JAK2: variants seen among roughly 807,000 people sequenced by gnomAD.
JAK2 encodes the protein tyrosine-protein kinase JAK2.
A neutral mutation model predicts 139.3 loss-of-function variants in JAK2; 86 were observed. That is an observed-to-expected ratio of 0.62 (90% CI 0.52 to 0.74). The LOEUF is 0.74. JAK2 is among the 30% of genes least tolerant of loss of function. The probability of loss-of-function intolerance (pLI) is 0.00; values close to 1 mark genes in which losing one functional copy is unlikely to be tolerated. For synonymous variants in JAK2, 490 were observed against 437.7 expected (o/e 1.12, Z -1.49); for missense variants, 1,421 against 1,360.3 (o/e 1.04, Z -0.70).
intron 2 of JAK2, among the ~76,000 whole-genome samples, chr9:4,995,512 C>T (rs1416987550): frequency 2.6e-5 from 4 of 152,174 alleles, no homozygotes; most frequent in African/African-American, 9.7e-5. Flanking sequence ...GTCAGATAAT[C>T]CTTCTTTTCT....
chr9:5,101,954 G>C (rs1284897782), intron 22 of JAK2, among the ~76,000 whole-genome samples: 8 of 152,206 alleles, frequency 5.3e-5, no homozygotes, highest in Non-Finnish European at 7.3e-5. Context: ...AGAAACCAGA[G>C]CAGAAAAGCT....
At position 5,062,500 on chromosome 9, in the gene JAK2, T is replaced by TAAAAAAAAAAAAAAAAAAAAAAA. The variant is rs58424625; in HGVS notation, c.1057-2374_1057-2352dup. Among the ~76,000 whole-genome samples, 26 of 58,246 alleles carry TAAAAAAAAAAAAAAAAAAAAAAA rather than the reference T, an allele frequency of 4.5e-4. 3 individuals are homozygous for TAAAAAAAAAAAAAAAAAAAAAAA. The highest frequency in any genetic ancestry group is 2.6e-3 in the African/African-American group (25 of 9,596). The allele number at this position is 58,246 out of a possible 152,430, so 38.2% of individuals were successfully genotyped here. A position where few individuals can be genotyped will look rare whatever the true frequency, so the allele number is the denominator to read the frequency against. On this transcript the variant is annotated intron_variant, in intron 8 of 24. Transcript: ENST00000381652. ...AAGTTTGTCAGAAACCTTCCATTTG[T>TAAAAAAAAAAAAAAAAAAAAAAA]AAAAAAAAAAAAAAAAAAAAAAAAA...
intron 8 of JAK2, among the ~76,000 whole-genome samples, chr9:5,058,879 T>A (rs1485933082): frequency 6.6e-6 from 1 of 152,220 alleles, no homozygotes; most frequent in East Asian, 1.9e-4. Flanking sequence ...CATTTTTTAA[T>A]CAGGTTTTTT....
rs774469142 is a variant in JAK2 at position 5,126,729 on chromosome 9, C to T, written c.3337C>T (p.Arg1113Cys). ...TECWNNNVNQ[R>C]PSFRDLALRV... ...ATGCTGGAACAATAATGTAAATCAA[C>T]GCCCCTCCTTTAGGGATCTAGCTCT... Residue 1113 changes from arginine to cysteine, a missense_variant, in exon 25 of 25, where the codon CGC (arginine) becomes TGC (cysteine). Transcript: ENST00000381652. 21 of 1,610,864 alleles carry T rather than the reference C, an allele frequency of 1.3e-5. No individual in the cohort carries two copies. The highest frequency in any genetic ancestry group is 4.2e-6 in the Non-Finnish European group (5 of 1,177,684).
At chr9:5,114,623 G>A (rs973586948) in intron 22 of JAK2, 13 of 484,426 alleles carry the variant, frequency 2.7e-5, no homozygotes, top group South Asian at 6.2e-5. Context: ...TGCAGCTCCC[G>A]GACACTTGGC....
At chr9:5,092,374 TG>T (rs1221121408) in intron 22 of JAK2, among the ~76,000 whole-genome samples, 1 of 152,164 alleles carries the variant, frequency 6.6e-6, no homozygotes, top group African/African-American at 2.4e-5. Context: ...AGTCGTAATA[TG>T]GTAAGTGTAC....
rs1563932145 is a variant in JAK2, at chr9:5,022,192, A to G, written c.205A>G (p.Ile69Val). 1.2e-6 allele frequency: 2 copies of G among 1,613,756 alleles called. No homozygotes were observed. Among genetic ancestry groups the G allele is most frequent in the Non-Finnish European group, 1.7e-6 (2 of 1,179,644 alleles). The change falls in exon 3 of 25, where the codon ATT (isoleucine) becomes GTT (valine). Residue 69 changes from isoleucine to valine, a missense_variant. Ile to Val is a conservative substitution (Grantham distance 29). Coordinates refer to ENST00000381652, the MANE Select transcript of JAK2 (RefSeq NM_004972.4). The part of the protein sequence containing the change: ...SGEYVAEEIC[I>V]AASKACGITP... Reference sequence around the variant, plus strand: ...GGAGTATGTTGCAGAAGAAATCTGTATTGCTGCTTCTAAAGCTTGTGGTAA... The same window carrying G: ...GGAGTATGTTGCAGAAGAAATCTGTGTTGCTGCTTCTAAAGCTTGTGGTAA...
intron 3 of JAK2, among the ~76,000 whole-genome samples, chr9:5,026,344 A>C (rs1822780090): frequency 1.3e-5 from 2 of 152,226 alleles, no homozygotes; most frequent in African/African-American, 4.8e-5. Context: ...TGTAAATAAA[A>C]GAATGAATGC....
intron 16 of JAK2, 21 bp downstream of exon 16, chr9:5,078,465 A>T (rs916729051): frequency 6.3e-7 from 1 of 1,593,100 alleles, no homozygotes; most frequent in Non-Finnish European, 8.6e-7. Flanking sequence ...GAAGGATTAT[A>T]TATAATGTTA....
At chr9:4,996,009 C>T (rs192803837) in intron 2 of JAK2, among the ~76,000 whole-genome samples, 1 of 152,072 alleles carries the variant, frequency 6.6e-6, no homozygotes, top group African/African-American at 2.4e-5. Context: ...CTGAGGGAAG[C>T]TTGTCATTTC....
intron 22 of JAK2, among the ~76,000 whole-genome samples, chr9:5,116,841 G>A: frequency 6.6e-6 from 1 of 152,190 alleles, no homozygotes; most frequent in African/African-American, 2.4e-5. Context: ...AAAGTCATAT[G>A]TATAATATGG....
chr9:5,120,875 CAA>C (rs965464713), intron 22 of JAK2, among the ~76,000 whole-genome samples: 2 of 152,194 alleles, frequency 1.3e-5, no homozygotes, highest in African/African-American at 4.8e-5. Flanking sequence ...GCATAAGAAA[CAA>C]AATAATCAGC....
At chr9:5,012,619 AT>A (rs1209785795) in intron 2 of JAK2, among the ~76,000 whole-genome samples, 2 of 152,176 alleles carry the variant, frequency 1.3e-5, no homozygotes, top group African/African-American at 4.8e-5. Flanking sequence ...TTATTTTGTT[AT>A]TTTTATGAGC....
At chr9:5,042,887 T>C (rs1199820970) in intron 4 of JAK2, among the ~76,000 whole-genome samples, 1 of 152,194 alleles carries the variant, frequency 6.6e-6, no homozygotes, top group Admixed American at 6.5e-5. Context: ...CCGCAGCCTT[T>C]CACAGCCTGG....
intron 2 of JAK2, among the ~76,000 whole-genome samples, chr9:5,002,739 A>G (rs1820999033): frequency 1.3e-5 from 2 of 151,938 alleles, no homozygotes; most frequent in South Asian, 2.1e-4. Context: ...TTAGTGTAAT[A>G]GTTGTTTTAT....
At chr9:5,103,692 A>G (rs994981945) in intron 22 of JAK2, among the ~76,000 whole-genome samples, 6 of 152,216 alleles carry the variant, frequency 3.9e-5, no homozygotes, top group Non-Finnish European at 8.8e-5. Context: ...CCAAACGTAA[A>G]AGAACAGATA....
rs531849315 is a variant in JAK2, at chr9:5,023,377, G to T, written c.226+1164G>T. Among the ~76,000 whole-genome samples the T allele has an allele frequency of 4.6e-5, 7 of 152,170 alleles. No individual in the cohort carries two copies. The South Asian group carries it at 8.3e-4, about 18-fold the overall frequency. ...ATGCCACTGGGCCCCAGGGGAGTAC[G>T]CATTCTGTTGTGAGCTGGGCTTCAA... On this transcript the variant is annotated intron_variant, in intron 3 of 24. Coordinates refer to ENST00000381652, the MANE Select transcript of JAK2 (RefSeq NM_004972.4).
intron 19 of JAK2, 93 bp from the exon 20 acceptor site, chr9:5,089,581 C>G (rs558608712): frequency 1.7e-5 from 6 of 351,868 alleles, no homozygotes; most frequent in Non-Finnish European, 2.0e-5. Context: ...TCTGCTAATT[C>G]CAGCTACTAG....
At chr9:5,081,138 G>C (rs12554699) in intron 18 of JAK2, among the ~76,000 whole-genome samples, 1 of 151,492 alleles carries the variant, frequency 6.6e-6, no homozygotes, top group African/African-American at 2.4e-5. Context: ...CTTGTGATCC[G>C]CCCGCCTCGG....
Sources: allele counts gnomAD v4.1 joint callset (sites outside exome capture counted in the v4.1 genomes callset), GRCh38; gene constraint gnomAD v4.1.1; transcripts MANE v1.5; gene names NCBI Gene and HGNC (gene_info 2026-07-23, HGNC 2026-07-21).